Variants in FNIP1 observed in about 807,000 individuals in gnomAD.
The protein encoded by FNIP1 is folliculin interacting protein 1, also known as folliculin-interacting protein 1.
A neutral mutation model predicts 124.5 loss-of-function variants in FNIP1; 40 were observed. The observed-to-expected ratio is 0.32, with a 90% CI of 0.25 to 0.42. The LOEUF (loss-of-function observed/expected upper bound fraction) is 0.42, where lower values mean the gene tolerates loss of function less well. Among genes scored for constraint, FNIP1 ranks in the 10% least tolerant of loss-of-function variants. FNIP1 has a pLI of 1.00. For synonymous variants in FNIP1, 472 were observed against 470.6 expected, an observed-to-expected ratio of 1.00 and a Z score of -0.04; for missense variants, 1,176 against 1,403.7, an observed-to-expected ratio of 0.84 and a Z score of 2.59.
intron 1 of FNIP1, among the ~76,000 whole-genome samples, chr5:131,784,654 T>A (rs1772102864): frequency 6.6e-6 from 1 of 150,736 alleles, no homozygotes; most frequent in Admixed American, 6.6e-5. Context: ...GACCCCCCCA[T>A]CTCTACAAAA....
chr5:131,653,530 AT>A (rs1159464606), intron 15 of FNIP1, among the ~76,000 whole-genome samples: 1 of 151,636 alleles, frequency 6.6e-6, no homozygotes, highest in East Asian at 1.9e-4. Context: ...CAAGAGCGAA[AT>A]TCCGTCTCAA....
intron 11 of FNIP1, among the ~76,000 whole-genome samples, chr5:131,684,158 TAAATAA>T (rs1768186946): frequency 6.6e-6 from 1 of 152,188 alleles, no homozygotes; most frequent in South Asian, 2.1e-4. Flanking sequence ...AAATTGGCAC[TAAATAA>T]ATGTCAAAAA....
At chr5:131,702,509 C>T (rs1355218272) in intron 10 of FNIP1, among the ~76,000 whole-genome samples, 1 of 152,136 alleles carries the variant, frequency 6.6e-6, no homozygotes, top group Non-Finnish European at 1.5e-5. Flanking sequence ...CAATGAGTTA[C>T]TGTGTTCCCT....
intron 11 of FNIP1, among the ~76,000 whole-genome samples, chr5:131,682,279 T>C (rs1452600367): frequency 6.6e-6 from 1 of 152,240 alleles, no homozygotes; most frequent in Non-Finnish European, 1.5e-5. Flanking sequence ...TGAGAGCCTT[T>C]GCTTTAGTAT....
intron 3 of FNIP1, among the ~76,000 whole-genome samples, chr5:131,725,906 T>C (rs543720119): frequency 2.0e-5 from 3 of 152,296 alleles, no homozygotes; most frequent in Admixed American, 6.5e-5. Flanking sequence ...TTTAGCATGA[T>C]AGGGTGTTGA....
At chr5:131,744,842 C>A (rs1013382417) in intron 1 of FNIP1, 152 bp from the exon 2 acceptor site, 2 of 503,508 alleles carry the variant, frequency 4.0e-6, no homozygotes, top group East Asian at 1.1e-4. Flanking sequence ...ATCACCAGTT[C>A]ATGGCTGAAA....
At chr5:131,661,145 G>A (rs1168796308) in intron 15 of FNIP1, among the ~76,000 whole-genome samples, 4 of 151,966 alleles carry the variant, frequency 2.6e-5, no homozygotes, top group African/African-American at 9.7e-5. Context: ...GTTTCTCAGA[G>A]AATAGAAGCA....
At chr5:131,744,402 C>A (rs1033478491) in intron 2 of FNIP1, among the ~76,000 whole-genome samples, 162 bp downstream of exon 2, 15 of 152,140 alleles carry the variant, frequency 9.9e-5, no homozygotes, top group African/African-American at 3.6e-4. Context: ...CACTCCTCAG[C>A]TATTCAAATC....
intron 1 of FNIP1, among the ~76,000 whole-genome samples, chr5:131,792,399 G>A (rs572644347): frequency 1.3e-5 from 2 of 152,238 alleles, no homozygotes; most frequent in East Asian, 3.9e-4. Flanking sequence ...GACCTCAGGT[G>A]ATCCACCTGC....
intron 1 of FNIP1, among the ~76,000 whole-genome samples, chr5:131,757,106 GAAAAGGAAGTAT>G (rs1434330474): frequency 4.6e-5 from 7 of 152,152 alleles, no homozygotes; most frequent in African/African-American, 1.7e-4. Flanking sequence ...GCTGATAGGA[GAAAAGGAAGTAT>G]AAAACAAACA....
chr5:131,775,263 G>GC (rs1771762430), intron 1 of FNIP1, among the ~76,000 whole-genome samples: 1 of 151,788 alleles, frequency 6.6e-6, no homozygotes, highest in Non-Finnish European at 1.5e-5. Context: ...AGCTTTTTTT[G>GC]CCCCCTGGCA....
chr5:131,704,292 A>G, intron 9 of FNIP1, 26 bp from the exon 10 acceptor site: 1 of 1,502,472 alleles, frequency 6.7e-7, no homozygotes, highest in Non-Finnish European at 9.0e-7. Context: ...TTTTTTATTA[A>G]TTTACAAAAG....
At chr5:131,699,083 C>A in intron 10 of FNIP1, 81 bp from the exon 11 acceptor site, 2 of 917,836 alleles carry the variant, frequency 2.2e-6, no homozygotes, top group South Asian at 1.8e-5. Flanking sequence ...TAGACAGAGT[C>A]ACATATTTAC....
At chr5:131,731,188 C>T in intron 2 of FNIP1, 150 bp from the exon 3 acceptor site, 1 of 679,662 alleles carries the variant, frequency 1.5e-6, no homozygotes, top group African/African-American at 1.8e-5. Flanking sequence ...TGTATTTTCT[C>T]CAGTACTATT....
chr5:131,671,702 G>A lies in FNIP1; in HGVS notation c.2742C>T (p.Pro914=), dbSNP rs1163053289. 6.2e-7 allele frequency: 1 copy of A among 1,614,116 alleles called. No homozygotes were observed. Among genetic ancestry groups the A allele is most frequent in the Non-Finnish European group, 8.5e-7 (1 of 1,180,030 alleles). ...DQRDTLSILV[P]HGDKESSDKK... is the part of the protein sequence containing the mutation. ...TATCTGAACTCTCTTTATCCCCATG[G>A]GGGACAAGAATGGAGAGTGTATCTC... is the stretch of plus-strand genomic sequence containing the variant. Residue 914 remains proline (P), a synonymous_variant, in exon 14 of 18, where the codon CCC becomes CCT. Transcript: ENST00000510461.
At chr5:131,685,472 G>A (rs1301670897) in intron 11 of FNIP1, among the ~76,000 whole-genome samples, 1 of 106,552 alleles carries the variant, frequency 9.4e-6, no homozygotes, top group African/African-American at 3.4e-5. Flanking sequence ...TTTTTGAGAT[G>A]GAGTCTTGCT....
intron 6 of FNIP1, among the ~76,000 whole-genome samples, chr5:131,711,287 C>T (rs1436443437): frequency 6.6e-6 from 1 of 152,094 alleles, no homozygotes; most frequent in Admixed American, 6.5e-5. Context: ...GACCAGACTC[C>T]CAGCTGTTCA....
At chr5:131,737,537 C>G (rs1008341092) in intron 2 of FNIP1, among the ~76,000 whole-genome samples, 1 of 152,152 alleles carries the variant, frequency 6.6e-6, no homozygotes, top group African/African-American at 2.4e-5. Context: ...CCCCCATAGT[C>G]TAAGCTTAAA....
At position 131,672,339 on chromosome 5, in the gene FNIP1, G is replaced by A. The variant is rs775757670; in HGVS notation, c.2105C>T (p.Thr702Ile). The change falls in exon 14 of 18, where the codon ACA becomes ATA. Residue 702 changes from threonine (T) to isoleucine (I), a missense_variant. Physicochemically the swap from Thr to Ile is moderately conservative, Grantham distance 89. This residue lies in a region of FNIP1 where 1,109 missense variants were observed against 1,288.5 expected (regional missense o/e 0.86). Transcript: ENST00000510461. ...CTTCTCACTCTGCCATGTTTCCTCT[G>A]TTGACTCTAAGCCTGACTCTGACAA... ...CALSESGLES[T>I]EETWQSEKLL... 1.4e-5 allele frequency: 23 copies of A among 1,614,160 alleles called. No individual in the cohort carries two copies. The highest frequency in any genetic ancestry group is 1.9e-5 in the Non-Finnish European group (22 of 1,180,034).
Sources: gnomAD v4.1 joint callset for allele counts (sites outside exome capture counted in the v4.1 genomes callset) on GRCh38, gnomAD v4.1.1 for gene constraint, gnomAD v4.1.1 regional missense constraint, MANE v1.5 for transcripts, NCBI Gene and HGNC (gene_info 2026-07-23, HGNC 2026-07-21) for gene names.